NFILZ: variants seen among roughly 807,000 people sequenced by gnomAD.
NFILZ encodes the protein NFIL3 like basic leucine zipper.
chr19:8,647,803 A>G lies in NFILZ; in HGVS notation c.-164+12057A>G, dbSNP rs1305513921. On this transcript the variant is annotated intron_variant, in intron 3 of 5. Coordinates refer to ENST00000691075, the MANE Select transcript of NFILZ (RefSeq NM_001378600.1). ...TGCGCGCGCGCGCGCGCGCACACAC[A>G]CACACACACACACACACACACACAC... 2.1e-4 allele frequency among the ~76,000 whole-genome samples: 26 copies of G among 126,168 alleles called. No individual in the cohort carries two copies. The East Asian group carries it at 2.1e-3, about 10-fold the overall frequency. 82.8% of individuals were successfully genotyped at this position (126,168 alleles called of 152,430 possible).
intron 3 of NFILZ, among the ~76,000 whole-genome samples, chr19:8,649,336 G>A (rs1555747497): frequency 6.6e-6 from 1 of 151,906 alleles, no homozygotes; most frequent in East Asian, 1.9e-4. Flanking sequence ...TGTTATCTTG[G>A]CTCACTGAAA....
rs2967679 is a variant in NFILZ at position 8,680,121 on chromosome 19, A to G, written c.*2486A>G. Among the ~76,000 whole-genome samples, 87,278 of 149,390 alleles carry G rather than the reference A, an allele frequency of 0.58. 27,165 individuals are homozygous for G. The highest frequency in any genetic ancestry group is 0.85 in the East Asian group (4,295 of 5,060). ...TGAGGCATGAAAATCACTTGAACCC[A>G]GGAGGTGGAGGCTGCAGCGAGCTGA... is the stretch of plus-strand genomic sequence containing the variant. On this transcript the variant is annotated 3_prime_UTR_variant, in exon 6 of 6. Transcript: ENST00000691075.
At chr19:8,651,099 C>T (rs571053953) in intron 3 of NFILZ, among the ~76,000 whole-genome samples, 2 of 152,140 alleles carry the variant, frequency 1.3e-5, no homozygotes, top group Non-Finnish European at 2.9e-5. Context: ...CGTCCATTAC[C>T]CCAAACATTT....
intron 3 of NFILZ, among the ~76,000 whole-genome samples, chr19:8,650,964 C>T (rs1050883182): frequency 6.6e-5 from 10 of 152,186 alleles, no homozygotes; most frequent in African/African-American, 2.4e-4. Flanking sequence ...TAATTATCCA[C>T]TTTCTTTTTC....
At chr19:8,657,680 G>A (rs1013192959) in intron 3 of NFILZ, among the ~76,000 whole-genome samples, 2 of 152,114 alleles carry the variant, frequency 1.3e-5, no homozygotes, top group African/African-American at 2.4e-5. Context: ...CCTCCACACC[G>A]TGCTTTCATT....
intron 3 of NFILZ, among the ~76,000 whole-genome samples, chr19:8,658,553 G>T (rs566464564): frequency 6.6e-6 from 1 of 152,164 alleles, no homozygotes; most frequent in Non-Finnish European, 1.5e-5. Context: ...TGCCTGGGGG[G>T]ACTGGGGTGG....
At chr19:8,668,387 T>C (rs1600154112) in intron 3 of NFILZ, among the ~76,000 whole-genome samples, 1 of 151,968 alleles carries the variant, frequency 6.6e-6, no homozygotes, top group Non-Finnish European at 1.5e-5. Flanking sequence ...TGGTATACTT[T>C]TCATATCTGA....
intron 3 of NFILZ, among the ~76,000 whole-genome samples, chr19:8,667,543 T>G (rs1329660058): frequency 2.6e-5 from 4 of 152,156 alleles, no homozygotes; most frequent in African/African-American, 9.7e-5. Flanking sequence ...CAAATATTTA[T>G]TTATTTATAT....
At chr19:8,672,589 T>A (rs199566688) in intron 3 of NFILZ, among the ~76,000 whole-genome samples, 2 of 122,036 alleles carry the variant, frequency 1.6e-5, no homozygotes, top group Non-Finnish European at 3.3e-5. Context: ...TTCATGCATT[T>A]ATTAATTCAA....
chr19:8,641,450 C>T (rs1341988900), intron 3 of NFILZ, among the ~76,000 whole-genome samples: 12 of 152,162 alleles, frequency 7.9e-5, no homozygotes, highest in Admixed American at 7.9e-4. Context: ...TTCCTCCCAC[C>T]CCAAATATAT....
intron 3 of NFILZ, 45 bp downstream of exon 3, chr19:8,635,791 C>G (rs2042891731): frequency 6.6e-6 from 1 of 151,952 alleles, no homozygotes. Context: ...AGTCCTTATT[C>G]TCTCTCTCTG....
At chr19:8,632,245 A>AGTGTGTGTGT (rs35056229) in intron 1 of NFILZ, among the ~76,000 whole-genome samples, 4,410 of 145,256 alleles carry the variant, frequency 0.03, 204 homozygotes, top group African/African-American at 0.1. Context: ...CCCGCCATAC[A>AGTGTGTGTGT]GTGTGTGTGT....
intron 3 of NFILZ, among the ~76,000 whole-genome samples, chr19:8,651,888 C>T (rs1295390570): frequency 6.6e-6 from 1 of 152,068 alleles, no homozygotes; most frequent in African/African-American, 2.4e-5. Flanking sequence ...TCCTCACTAC[C>T]CTTCCTGGCC....
chr19:8,635,338 AAG>A (rs1443704485), intron 2 of NFILZ, among the ~76,000 whole-genome samples: 2 of 150,910 alleles, frequency 1.3e-5, no homozygotes, highest in African/African-American at 4.9e-5. Context: ...AAAAAAAAAA[AAG>A]AAATACAGAA....
At chr19:8,657,335 C>T (rs1218598296) in intron 3 of NFILZ, among the ~76,000 whole-genome samples, 1 of 151,852 alleles carries the variant, frequency 6.6e-6, no homozygotes, top group African/African-American at 2.4e-5. Context: ...ATCTCCTGAC[C>T]TCGTGATCCA....
rs11882447 is a variant in NFILZ, at chr19:8,679,013, G to T, written c.*1378G>T. On this transcript the variant is annotated 3_prime_UTR_variant, in exon 6 of 6. Coordinates refer to ENST00000691075, the MANE Select transcript of NFILZ (RefSeq NM_001378600.1). ...CTTCTTGGTGTCCCCTGGGGGGCTT[G>T]CTTACCACCCAGTTTGAGGGGCAGA... 0.012 allele frequency among the ~76,000 whole-genome samples: 1,895 copies of T among 152,154 alleles called. 30 individuals carry two copies. Among genetic ancestry groups the T allele is most frequent in the African/African-American group, 0.043 (1,788 of 41,520 alleles).
intron 3 of NFILZ, among the ~76,000 whole-genome samples, chr19:8,664,103 A>T (rs1442113232): frequency 1.3e-5 from 2 of 152,134 alleles, no homozygotes; most frequent in Non-Finnish European, 2.9e-5. Flanking sequence ...ATCCATGCAT[A>T]ACAGCCCTGA....
chr19:8,640,583 A>C (rs574493958), intron 3 of NFILZ, among the ~76,000 whole-genome samples: 16 of 152,198 alleles, frequency 1.1e-4, no homozygotes, highest in South Asian at 6.2e-4. Flanking sequence ...GAGCTGGCAC[A>C]GTCCAGAAAA....
intron 3 of NFILZ, among the ~76,000 whole-genome samples, chr19:8,668,375 G>T (rs2043072234): frequency 6.6e-6 from 1 of 151,882 alleles, no homozygotes; most frequent in African/African-American, 2.4e-5. Context: ...ACAGAGGAAT[G>T]ATGGTATACT....
Sources: allele counts gnomAD v4.1 joint callset (sites outside exome capture counted in the v4.1 genomes callset), GRCh38; gene constraint gnomAD v4.1.1; transcripts MANE v1.5; gene names NCBI Gene and HGNC (gene_info 2026-07-23, HGNC 2026-07-21).